Variants in DYNC2H1 observed in about 807,000 individuals in gnomAD.
DYNC2H1 encodes the protein dynein cytoplasmic 2 heavy chain 1.
A neutral mutation model predicts 570.0 loss-of-function variants in DYNC2H1; 410 were observed. The observed-to-expected ratio is 0.72, with a 90% confidence interval of 0.66 to 0.78. DYNC2H1 has a LOEUF of 0.78. DYNC2H1 is among the 30% of genes least tolerant of loss of function. The pLI, the probability that DYNC2H1 is intolerant of heterozygous loss-of-function variation, is 0.00. For synonymous variants in DYNC2H1, 1,688 were observed against 1,677.6 expected, an observed-to-expected ratio of 1.01 and a Z score of -0.15; for missense variants, 4,865 against 5,046.4, an observed-to-expected ratio of 0.96 and a Z score of 1.09.
Position 103,232,441 on chromosome 11 carries a change from G to A in DYNC2H1, c.9440+1095G>A, listed in dbSNP as rs1198494099. On this transcript the variant is annotated intron_variant, in intron 60 of 88. Transcript: ENST00000375735. ...CATTGCACCATACTACCATTATTTT[G>A]GAAGGATTATTATAAGAACTTTTGG... 4.0e-5 allele frequency among the ~76,000 whole-genome samples: 6 copies of A among 151,560 alleles called. 1 individual carries two copies. The highest frequency in any genetic ancestry group is 1.3e-4 in the Admixed American group (2 of 15,174).
intron 72 of DYNC2H1, among the ~76,000 whole-genome samples, chr11:103,282,600 A>C (rs1441387640): frequency 6.6e-6 from 1 of 152,008 alleles, no homozygotes; most frequent in Non-Finnish European, 1.5e-5. Flanking sequence ...AACTTCATTC[A>C]AATTTAGCTT....
chr11:103,459,274 A>C (rs1387607607), intron 87 of DYNC2H1, among the ~76,000 whole-genome samples: 3 of 111,026 alleles, frequency 2.7e-5, no homozygotes, highest in African/African-American at 1.1e-4. Context: ...CCGCCACTGC[A>C]CTCCAGCCTG....
intron 29 of DYNC2H1, 30 bp from the exon 30 acceptor site, chr11:103,162,998 G>A: frequency 1.3e-6 from 2 of 1,581,532 alleles, no homozygotes; most frequent in Non-Finnish European, 8.7e-7. Context: ...TTTATGTCTT[G>A]TTTATATTAT....
In DYNC2H1 at chr11:103,197,715, G is replaced by A. The variant is rs615695; in HGVS notation, c.7709-218G>A. 0.83 allele frequency among the ~76,000 whole-genome samples: 125,953 copies of A among 152,218 alleles called. 52,412 individuals are homozygous for A. Among genetic ancestry groups the A allele is most frequent in the East Asian group, 0.87 (4,464 of 5,152 alleles). ...CTCCTGCCTTGGCCTCCAAAAGTGC[G>A]GGTATTATAGGCGTGGGCCACCTTG... On this transcript the variant is annotated intron_variant, in intron 47 of 88. Transcript: ENST00000375735.
intron 17 of DYNC2H1, among the ~76,000 whole-genome samples, chr11:103,142,205 G>T (rs1016901690): frequency 2.0e-5 from 3 of 152,220 alleles, no homozygotes; most frequent in African/African-American, 7.2e-5. Flanking sequence ...CGCACGATGC[G>T]CTGCACCCAC....
chr11:103,196,413 A>G (rs1167501178), intron 47 of DYNC2H1, among the ~76,000 whole-genome samples: 1 of 152,224 alleles, frequency 6.6e-6, no homozygotes, highest in Non-Finnish European at 1.5e-5. Context: ...TATCTCAGGC[A>G]GAAAGTACCT....
At chr11:103,141,037 G>A in intron 17 of DYNC2H1, among the ~76,000 whole-genome samples, 1 of 152,110 alleles carries the variant, frequency 6.6e-6, no homozygotes, top group Non-Finnish European at 1.5e-5. Context: ...TAGTTCTCGA[G>A]TCTTGGCTTT....
intron 47 of DYNC2H1, among the ~76,000 whole-genome samples, chr11:103,197,340 G>C (rs1227111506): frequency 3.9e-5 from 6 of 152,088 alleles, no homozygotes; most frequent in African/African-American, 9.7e-5. Context: ...AAGGAATCCA[G>C]TTCATTTCAG....
At chr11:103,462,578 A>C (rs1332431219) in intron 87 of DYNC2H1, among the ~76,000 whole-genome samples, 1 of 152,198 alleles carries the variant, frequency 6.6e-6, no homozygotes, top group Non-Finnish European at 1.5e-5. Context: ...ATTCTTCTGC[A>C]AAGAGGCTTC....
Position 103,354,896 on chromosome 11 carries a change from C to T in DYNC2H1, c.12040-3347C>T, listed in dbSNP as rs992932000. ...TTCTGGTTGGGATTCTTTGACTTTT[C>T]TGAATATGAGAAGTATTGTCTTTCA... On this transcript the variant is annotated intron_variant, in intron 82 of 88. Transcript: ENST00000375735. 2.7e-5 allele frequency among the ~76,000 whole-genome samples: 4 copies of T among 147,554 alleles called. No individual in the cohort carries two copies. In the South Asian group the frequency reaches 6.4e-4, roughly 24 times the overall value.
intron 39 of DYNC2H1, 130 bp downstream of exon 39, chr11:103,179,363 T>C (rs1861757625): frequency 2.5e-6 from 2 of 805,314 alleles, no homozygotes; most frequent in Non-Finnish European, 3.5e-6. Context: ...ACTTCTTTTT[T>C]GTTAGGTTTT....
At chr11:103,329,644 T>C (rs1032510270) in intron 82 of DYNC2H1, among the ~76,000 whole-genome samples, 1 of 152,206 alleles carries the variant, frequency 6.6e-6, no homozygotes, top group South Asian at 2.1e-4. Flanking sequence ...CTGTACTCTC[T>C]TACAGGATTC....
rs972956184 is a variant in DYNC2H1 at position 103,189,103 on chromosome 11, A to G, written c.7292+455A>G. ...GGCCATAATTACAGAGACTATGGCA[A>G]TATCTCCTCTGTTTATATTTAATAT... On this transcript the variant is annotated intron_variant, in intron 44 of 88. Transcript: ENST00000375735. This position sits in a 1 kb window ranked among gnomAD's most constrained non-coding sequence, Gnocchi z 4.3. Among the ~76,000 whole-genome samples the G allele has an allele frequency of 1.3e-5, 2 of 152,108 alleles. No individual in the cohort carries two copies. The highest frequency in any genetic ancestry group is 2.9e-5 in the Non-Finnish European group (2 of 68,010).
At position 103,220,751 on chromosome 11, in the gene DYNC2H1, T is replaced by A. The variant is rs1863554438; in HGVS notation, c.9075T>A (p.Gly3025=). ...DILEGVLRLM[G]IFDTSWVSMK... is the part of the protein sequence containing the mutation. ...TTGAAGGAGTTTTAAGGTTGATGGGTATCTTTGATACATCTTGGGTGAGCA... is the reference window on the plus strand; with the variant it reads ...TTGAAGGAGTTTTAAGGTTGATGGGAATCTTTGATACATCTTGGGTGAGCA... The change falls in exon 57 of 89, where the codon GGT becomes GGA. Residue 3025 remains glycine (G), a synonymous_variant. Coordinates refer to ENST00000375735, the MANE Select transcript of DYNC2H1 (RefSeq NM_001377.3). 1 of 1,612,836 alleles carries A rather than the reference T, an allele frequency of 6.2e-7. No individual in the cohort carries two copies. The highest frequency in any genetic ancestry group is 8.5e-7 in the Non-Finnish European group (1 of 1,179,244).
chr11:103,313,820 G>T (rs1867701829), intron 79 of DYNC2H1, among the ~76,000 whole-genome samples: 1 of 152,080 alleles, frequency 6.6e-6, no homozygotes, highest in Non-Finnish European at 1.5e-5. Flanking sequence ...TAATAGCATT[G>T]TGTTGTTTCT....
intron 84 of DYNC2H1, among the ~76,000 whole-genome samples, chr11:103,400,865 C>T (rs1359812563): frequency 6.6e-6 from 1 of 151,930 alleles, no homozygotes; most frequent in Non-Finnish European, 1.5e-5. Flanking sequence ...TTTATTTTAC[C>T]TTGAAAAAGA....
At chr11:103,188,789 C>A in intron 44 of DYNC2H1, 141 bp downstream of exon 44, 1 of 659,734 alleles carries the variant, frequency 1.5e-6, no homozygotes, top group Non-Finnish European at 2.2e-6. Flanking sequence ...TTTTCCTACC[C>A]TTCTCAAAAT....
In DYNC2H1 at chr11:103,239,566, G is replaced by T. The variant is rs1159435499; in HGVS notation, c.9819+3027G>T. ...AGAAGAGTTAATTCACTTGTCTAAG[G>T]TCACATGGCTATCAAGTGGTAGAGC... is the stretch of plus-strand genomic sequence containing the variant. On this transcript the variant is annotated intron_variant, in intron 63 of 88. Coordinates refer to ENST00000375735, the MANE Select transcript of DYNC2H1 (RefSeq NM_001377.3). The surrounding 1 kb of genome is among the most constrained non-coding windows in gnomAD (Gnocchi z 4.3). Among the ~76,000 whole-genome samples, 1 of 151,756 alleles carries T rather than the reference G, an allele frequency of 6.6e-6. No homozygotes were observed. Among genetic ancestry groups the T allele is most frequent in the African/African-American group, 2.4e-5 (1 of 41,276 alleles).
chr11:103,250,270 TTTA>T (rs1355731502), intron 65 of DYNC2H1, among the ~76,000 whole-genome samples: 10 of 152,206 alleles, frequency 6.6e-5, no homozygotes, highest in Admixed American at 2.0e-4. Context: ...ATTGATAATT[TTTA>T]TTATCTTTTT....
Sources: gnomAD v4.1 joint callset for allele counts (sites outside exome capture counted in the v4.1 genomes callset) on GRCh38, gnomAD v4.1.1 for gene constraint, Gnocchi (gnomAD v3.1) non-coding constraint, MANE v1.5 for transcripts, NCBI Gene and HGNC (gene_info 2026-07-23, HGNC 2026-07-21) for gene names.